Variants in SDK1 observed in about 807,000 individuals in gnomAD.
SDK1 encodes protein sidekick-1.
SDK1 carries 157 observed loss-of-function variants against 245.5 expected under a neutral mutation model. The ratio of observed to expected loss-of-function variants is 0.64; its 90% CI spans 0.56 to 0.73. SDK1 has a LOEUF of 0.73. SDK1 is among the 30% of genes least tolerant of loss of function. The probability of loss-of-function intolerance (pLI) is 0.00; values close to 1 mark genes in which losing one functional copy is unlikely to be tolerated. For missense variants in SDK1, 3,583 were observed against 3,002.3 expected (o/e 1.19, Z -4.52); for synonymous variants, 1,647 against 1,278.5 (o/e 1.29, Z -6.15).
intron 35 of SDK1, among the ~76,000 whole-genome samples, chr7:4,182,861 G>T (rs564752313): frequency 8.5e-5 from 13 of 152,326 alleles, no homozygotes; most frequent in African/African-American, 2.9e-4. Flanking sequence ...TCACACAAGG[G>T]AATGTAACCG....
intron 1 of SDK1, among the ~76,000 whole-genome samples, chr7:3,581,205 CTATG>C (rs1183090929): frequency 1.3e-5 from 2 of 151,966 alleles, no homozygotes; most frequent in Non-Finnish European, 2.9e-5. Context: ...TATTGGCTAA[CTATG>C]TATCTGACAA....
chr7:3,940,483 T>C lies in SDK1; in HGVS notation c.848-10440T>C, dbSNP rs576651202. On this transcript the variant is annotated intron_variant, in intron 5 of 44. Transcript: ENST00000404826. Reference sequence around the variant, plus strand: ...TAGCTTCCCGTTTTATGGCATCTTCTTCTTCCTTCCCAGCCCTGGCCATCG... The same window carrying C: ...TAGCTTCCCGTTTTATGGCATCTTCCTCTTCCTTCCCAGCCCTGGCCATCG... 2.2e-4 allele frequency among the ~76,000 whole-genome samples: 34 copies of C among 152,320 alleles called. 1 individual carries two copies. Among genetic ancestry groups the C allele is most frequent in the African/African-American group, 8.2e-4 (34 of 41,564 alleles).
At chr7:3,498,201 C>T (rs1782083420) in intron 1 of SDK1, among the ~76,000 whole-genome samples, 1 of 152,090 alleles carries the variant, frequency 6.6e-6, no homozygotes, top group African/African-American at 2.4e-5. Context: ...ACACTCAAAG[C>T]CTGCCTTGAA....
chr7:3,702,693 G>A (rs1007622180), intron 4 of SDK1, among the ~76,000 whole-genome samples: 30 of 152,120 alleles, frequency 2.0e-4, no homozygotes, highest in African/African-American at 6.5e-4. Context: ...CCCCATGTTG[G>A]ACTAGTATTG....
chr7:4,149,390 G>A lies in SDK1; in HGVS notation c.4552G>A (p.Glu1518Lys). ...CCGGTACTTCACCATGCAGGTGCGAGAGCTGCCTCGGGGTGAGTGGCAGAC... is the reference window on the plus strand; with the variant it reads ...CCGGTACTTCACCATGCAGGTGCGAAAGCTGCCTCGGGGTGAGTGGCAGAC... ...PIRYFTMQVR[E>K]LPRGEWQTYS... Residue 1518 changes from glutamate to lysine, a missense_variant, in exon 30 of 45, where the codon GAG (glutamate) becomes AAG (lysine). Coordinates refer to ENST00000404826, the MANE Select transcript of SDK1 (RefSeq NM_152744.4). 1 of 1,586,302 alleles carries A rather than the reference G, an allele frequency of 6.3e-7. No individual in the cohort carries two copies.
At chr7:3,494,822 GTTTA>G (rs1781974463) in intron 1 of SDK1, among the ~76,000 whole-genome samples, 1 of 152,286 alleles carries the variant, frequency 6.6e-6, no homozygotes, top group South Asian at 2.1e-4. Flanking sequence ...TCTACACACG[GTTTA>G]TTTGTTAAAA....
intron 4 of SDK1, among the ~76,000 whole-genome samples, chr7:3,757,033 T>G (rs563174991): frequency 6.6e-6 from 1 of 152,218 alleles, no homozygotes; most frequent in South Asian, 2.1e-4. Flanking sequence ...ATATGTGGTG[T>G]TTTTCCATAC....
chr7:4,025,224 C>A (rs570668001), intron 17 of SDK1, among the ~76,000 whole-genome samples: 1 of 152,366 alleles, frequency 6.6e-6, no homozygotes, highest in Non-Finnish European at 1.5e-5. Flanking sequence ...TGAATTCCAG[C>A]AATACAGCAA....
intron 32 of SDK1, among the ~76,000 whole-genome samples, chr7:4,162,663 G>C (rs1490813243): frequency 6.6e-6 from 1 of 152,074 alleles, no homozygotes; most frequent in Non-Finnish European, 1.5e-5. Context: ...GCCTCCCAAA[G>C]TGCTGGGATT....
At chr7:4,042,493 C>T (rs1036354832) in intron 17 of SDK1, among the ~76,000 whole-genome samples, 1 of 136,248 alleles carries the variant, frequency 7.3e-6, no homozygotes, top group African/African-American at 3.4e-5. Context: ...CAGGTGCCTG[C>T]GTGGGGGGAA....
At chr7:3,797,848 GGTCT>G (rs1229436400) in intron 4 of SDK1, among the ~76,000 whole-genome samples, 3 of 151,974 alleles carry the variant, frequency 2.0e-5, no homozygotes, top group African/African-American at 2.4e-5. Context: ...TATCCACTAT[GGTCT>G]GTCTTTCAGC....
At chr7:3,584,126 T>G (rs1254145293) in intron 1 of SDK1, among the ~76,000 whole-genome samples, 1 of 152,184 alleles carries the variant, frequency 6.6e-6, no homozygotes, top group Non-Finnish European at 1.5e-5. Context: ...AAACCTATTT[T>G]GGGGTATTGT....
At chr7:4,204,514 A>G (rs1784081550) in intron 35 of SDK1, among the ~76,000 whole-genome samples, 1 of 150,470 alleles carries the variant, frequency 6.6e-6, no homozygotes, top group African/African-American at 2.4e-5. Flanking sequence ...CGCTGGGGGG[A>G]GAGAGCAGAA....
intron 25 of SDK1, among the ~76,000 whole-genome samples, chr7:4,116,367 G>C (rs1379322335): frequency 6.6e-6 from 1 of 152,198 alleles, no homozygotes; most frequent in Non-Finnish European, 1.5e-5. Flanking sequence ...CCCTGGGCTT[G>C]GGTCCAGCAG....
intron 1 of SDK1, among the ~76,000 whole-genome samples, chr7:3,346,564 A>ATGTGACATGT (rs1780502322): frequency 6.6e-6 from 1 of 150,678 alleles, no homozygotes; most frequent in Non-Finnish European, 1.5e-5. Context: ...CCCAGGCTGG[A>ATGTGACATGT]GCTCAGTGAT....
At chr7:4,078,229 C>T (rs559717488) in intron 21 of SDK1, among the ~76,000 whole-genome samples, 1 of 152,250 alleles carries the variant, frequency 6.6e-6, no homozygotes, top group Admixed American at 6.5e-5. Flanking sequence ...GGTCTTAAAG[C>T]CTTACCCACT....
At chr7:3,715,903 T>A (rs1477045786) in intron 4 of SDK1, among the ~76,000 whole-genome samples, 5 of 152,172 alleles carry the variant, frequency 3.3e-5, no homozygotes, top group Non-Finnish European at 7.3e-5. Context: ...CTATTCATTC[T>A]CCTTGAACAA....
chr7:3,512,463 A>C (rs977219985), intron 1 of SDK1, among the ~76,000 whole-genome samples: 1 of 152,218 alleles, frequency 6.6e-6, no homozygotes, highest in Non-Finnish European at 1.5e-5. Context: ...TAAGTTTTCC[A>C]TTTCTTTGGG....
chr7:3,491,663 C>T (rs929176378), intron 1 of SDK1, among the ~76,000 whole-genome samples: 1 of 152,198 alleles, frequency 6.6e-6, no homozygotes, highest in African/African-American at 2.4e-5. Context: ...CTAATTAAGG[C>T]AGTACACACA....
Sources: gnomAD v4.1 joint callset for allele counts (sites outside exome capture counted in the v4.1 genomes callset) on GRCh38, gnomAD v4.1.1 for gene constraint, MANE v1.5 for transcripts, NCBI Gene and HGNC (gene_info 2026-07-23, HGNC 2026-07-21) for gene names.